CBR4: variants seen among roughly 807,000 people sequenced by gnomAD.
CBR4 encodes carbonyl reductase 4.
Under a neutral mutation model 21.0 loss-of-function variants are expected in CBR4, and 22 were observed. The ratio of observed to expected loss-of-function variants is 1.05; its 90% CI spans 0.75 to 1.50. The LOEUF (loss-of-function observed/expected upper bound fraction) is 1.50, where lower values mean the gene tolerates loss of function less well. Among genes scored for constraint, CBR4 ranks in the 40% most tolerant of loss-of-function variants. The probability of loss-of-function intolerance (pLI) is 0.00; values close to 1 mark genes in which losing one functional copy is unlikely to be tolerated. For missense variants in CBR4, 302 were observed against 286.3 expected (o/e 1.05, Z -0.40); for synonymous variants, 100 against 104.4 (o/e 0.96, Z 0.26).
At chr4:168,943,010 T>C (rs1763304115) in intron 2 of CBR4, among the ~76,000 whole-genome samples, 3 of 152,174 alleles carry the variant, frequency 2.0e-5, no homozygotes. Flanking sequence ...ACTCATGCAC[T>C]GTTGGTGGGA....
intron 2 of CBR4, among the ~76,000 whole-genome samples, chr4:168,937,043 C>T (rs1763131771): frequency 6.6e-6 from 1 of 152,098 alleles, no homozygotes; most frequent in Non-Finnish European, 1.5e-5. Flanking sequence ...AGAGAAAGAT[C>T]CTCCTTTGGA....
intron 2 of CBR4, among the ~76,000 whole-genome samples, chr4:168,978,300 A>G (rs553372726): frequency 1.3e-5 from 2 of 152,302 alleles, no homozygotes; most frequent in African/African-American, 4.8e-5. Flanking sequence ...ACTGCAGATC[A>G]AAAATATTTG....
At chr4:169,008,540 C>T (rs976299554) in intron 1 of CBR4, among the ~76,000 whole-genome samples, 1 of 152,160 alleles carries the variant, frequency 6.6e-6, no homozygotes, top group Non-Finnish European at 1.5e-5. Flanking sequence ...CCCCATCAAG[C>T]CTTTGGAAAC....
chr4:168,922,102 TACACACACACACACACAC>T (rs35503011), intron 2 of CBR4, among the ~76,000 whole-genome samples: 72 of 132,628 alleles, frequency 5.4e-4, no homozygotes, highest in Admixed American at 2.2e-3. Context: ...TATATATATA[TACACACACACACACACAC>T]ACACACACAC....
rs180914376 is a variant in CBR4 at position 168,993,491 on chromosome 4, G to A, written c.536-3163C>T. ...CTCCCAAAGTGCTAGGATTACAGGCGTGAGCCACTGTGCCCAGCCAACAAA... is the reference window on the plus strand; with the variant it reads ...CTCCCAAAGTGCTAGGATTACAGGCATGAGCCACTGTGCCCAGCCAACAAA... On this transcript the variant is annotated intron_variant, in intron 4 of 4. Transcript: ENST00000306193. 4.9e-3 allele frequency among the ~76,000 whole-genome samples: 745 copies of A among 152,246 alleles called. 6 individuals carry two copies. Among genetic ancestry groups the A allele is most frequent in the Admixed American group, 5.6e-3 (85 of 15,300 alleles).
At chr4:168,985,584 C>T (rs190741916), downstream of CBR4, among the ~76,000 whole-genome samples, 114 of 152,168 alleles carry the variant, frequency 7.5e-4, no homozygotes, top group Non-Finnish European at 1.4e-3. Context: ...AAGACTCATG[C>T]CCTCATTGCG....
downstream of CBR4, among the ~76,000 whole-genome samples, chr4:168,985,581 A>G (rs1764662773): frequency 6.6e-6 from 1 of 152,198 alleles, no homozygotes; most frequent in African/African-American, 2.4e-5. Context: ...ATGAAGACTC[A>G]TGCCCTCATT....
rs147202465 is a variant in CBR4 at position 168,910,661 on chromosome 4, A to G, written n.170-15896T>C. 1.7e-3 allele frequency among the ~76,000 whole-genome samples: 259 copies of G among 152,320 alleles called. 2 individuals are homozygous for G. Among genetic ancestry groups the G allele is most frequent in the Non-Finnish European group, 9.4e-4 (64 of 68,016 alleles). On this transcript the variant is annotated intron_variant and non_coding_transcript_variant, in intron 2 of 3. Transcript: ENST00000509108. ...ATGCCTTTAATCTTCATAAGAACCCATTAGGTATTAACTATATGGCCTTGT... is the reference window on the plus strand; with the variant it reads ...ATGCCTTTAATCTTCATAAGAACCCGTTAGGTATTAACTATATGGCCTTGT...
chr4:168,912,189 A>C (rs1382061909), intron 2 of CBR4, among the ~76,000 whole-genome samples: 1 of 152,210 alleles, frequency 6.6e-6, no homozygotes, highest in Non-Finnish European at 1.5e-5. Context: ...AGAACACTGC[A>C]GCTTCTGTTA....
chr4:168,996,607 C>G (rs1450036486), intron 4 of CBR4, among the ~76,000 whole-genome samples: 2 of 152,146 alleles, frequency 1.3e-5, no homozygotes, highest in East Asian at 3.8e-4. Flanking sequence ...ACTCTTTAGA[C>G]TGTACAGTTC....
chr4:168,897,804 A>G, intron 2 of CBR4, among the ~76,000 whole-genome samples: 1 of 151,000 alleles, frequency 6.6e-6, no homozygotes. Flanking sequence ...TAATCACCAC[A>G]GGAATGTTGA....
chr4:168,991,250 G>A (rs962910254), intron 4 of CBR4, among the ~76,000 whole-genome samples: 9 of 152,192 alleles, frequency 5.9e-5, no homozygotes, highest in African/African-American at 2.2e-4. Context: ...GGGAACCTAT[G>A]ATTTGTGGAG....
rs1763340300 is a variant in CBR4, at chr4:168,944,213, A to C, written n.170-49448T>G. 2.6e-5 allele frequency among the ~76,000 whole-genome samples: 4 copies of C among 152,088 alleles called. No homozygotes were observed. In the South Asian group the frequency reaches 8.3e-4, roughly 32 times the overall value. ...TAATCCTACCACTTTGGGAGGCCGAAGTGGGAGGATGGCTTGAAGCCAGGA... is the reference window on the plus strand; with the variant it reads ...TAATCCTACCACTTTGGGAGGCCGACGTGGGAGGATGGCTTGAAGCCAGGA... On this transcript the variant is annotated intron_variant and non_coding_transcript_variant, in intron 2 of 3. Coordinates refer to the CBR4 transcript ENST00000509108.
intron 4 of CBR4, among the ~76,000 whole-genome samples, chr4:168,991,292 T>C (rs1051401532): frequency 6.6e-6 from 1 of 152,088 alleles, no homozygotes; most frequent in Non-Finnish European, 1.5e-5. Flanking sequence ...GATTATAACG[T>C]AAAGAAGTCT....
At chr4:168,911,362 T>C (rs1758910698) in intron 2 of CBR4, among the ~76,000 whole-genome samples, 1 of 152,182 alleles carries the variant, frequency 6.6e-6, no homozygotes, top group South Asian at 2.1e-4. Flanking sequence ...TAACTTACCA[T>C]GGATCTTCTG....
chr4:168,953,452 G>T (rs1763601668), intron 2 of CBR4, among the ~76,000 whole-genome samples: 1 of 151,900 alleles, frequency 6.6e-6, no homozygotes, highest in Non-Finnish European at 1.5e-5. Context: ...TGGAGACAGG[G>T]TCTCATTCCG....
At chr4:168,925,912 T>G (rs1762495926) in intron 2 of CBR4, among the ~76,000 whole-genome samples, 1 of 152,032 alleles carries the variant, frequency 6.6e-6, no homozygotes, top group Admixed American at 6.6e-5. Flanking sequence ...GGGATGAGAA[T>G]TAGGAAGCTT....
chr4:168,984,215 G>A (rs193089924), downstream of CBR4, among the ~76,000 whole-genome samples: 1 of 151,940 alleles, frequency 6.6e-6, no homozygotes, highest in South Asian at 2.1e-4. Flanking sequence ...AAAGTTTCAG[G>A]ATACAAAATC....
chr4:168,923,080 G>T (rs1761904220), intron 2 of CBR4, among the ~76,000 whole-genome samples: 1 of 152,238 alleles, frequency 6.6e-6, no homozygotes, highest in Non-Finnish European at 1.5e-5. Context: ...ACCCTGCACA[G>T]CAATGCTGCA....
Sources: gnomAD v4.1 joint callset for allele counts (sites outside exome capture counted in the v4.1 genomes callset) on GRCh38, gnomAD v4.1.1 for gene constraint, MANE v1.5 for transcripts, NCBI Gene and HGNC (gene_info 2026-07-23, HGNC 2026-07-21) for gene names.